RPF2: variants seen among roughly 807,000 people sequenced by gnomAD.
RPF2 encodes ribosome production factor 2 homolog.
A neutral mutation model predicts 38.9 loss-of-function variants in RPF2; 21 were observed. The observed-to-expected ratio is 0.54, with a 90% CI of 0.38 to 0.78. RPF2 has a LOEUF of 0.78. RPF2 is among the 30% of genes least tolerant of loss of function. The pLI, the probability that RPF2 is intolerant of heterozygous loss-of-function variation, is 0.00. For missense variants in RPF2, 314 were observed against 358.1 expected (o/e 0.88, Z 0.99); for synonymous variants, 121 against 126.2 (o/e 0.96, Z 0.28).
At chr6:110,989,003 G>A (rs1165178330) in intron 2 of RPF2, 25 bp from the exon 3 acceptor site, 1 of 1,593,534 alleles carries the variant, frequency 6.3e-7, no homozygotes. Context: ...GTTTTGTTTT[G>A]AAAGCTATAA....
intron 8 of RPF2, among the ~76,000 whole-genome samples, chr6:111,023,910 C>A (rs1443110828): frequency 6.6e-6 from 1 of 151,978 alleles, no homozygotes; most frequent in African/African-American, 2.4e-5. Context: ...ATGGCGTGAA[C>A]CTGGGAGGTG....
chr6:110,997,538 C>G (rs533578724), intron 5 of RPF2, among the ~76,000 whole-genome samples: 1 of 151,948 alleles, frequency 6.6e-6, no homozygotes, highest in Non-Finnish European at 1.5e-5. Context: ...GCCAGGAGTT[C>G]GAGACCAGCC....
chr6:111,001,491 C>G (rs1056538769), intron 6 of RPF2, among the ~76,000 whole-genome samples: 1 of 152,128 alleles, frequency 6.6e-6, no homozygotes, highest in Non-Finnish European at 1.5e-5. Flanking sequence ...AATCCTCCCA[C>G]CTCAGCCTCC....
At chr6:110,993,685 C>G (rs929548592) in intron 4 of RPF2, among the ~76,000 whole-genome samples, 2 of 152,154 alleles carry the variant, frequency 1.3e-5, no homozygotes, top group African/African-American at 4.8e-5. Flanking sequence ...AACAGCTTTT[C>G]TTACACTTGA....
intron 1 of RPF2, among the ~76,000 whole-genome samples, chr6:110,984,454 T>C (rs1390536341): frequency 1.3e-5 from 2 of 152,100 alleles, no homozygotes; most frequent in Admixed American, 1.3e-4. Flanking sequence ...AAAAGAATGG[T>C]GGGAATACAA....
At chr6:111,019,450 C>G (rs1381700588) in intron 8 of RPF2, among the ~76,000 whole-genome samples, 1 of 151,896 alleles carries the variant, frequency 6.6e-6, no homozygotes, top group Non-Finnish European at 1.5e-5. Flanking sequence ...AAAAACAAAA[C>G]AAAATTAAAC....
At chr6:111,002,553 A>T (rs1032782195) in intron 6 of RPF2, among the ~76,000 whole-genome samples, 1 of 151,824 alleles carries the variant, frequency 6.6e-6, no homozygotes, top group East Asian at 1.9e-4. Flanking sequence ...GGCTAGTCTC[A>T]AACTCCTGAG....
In RPF2 at chr6:110,999,321, G is replaced by GA. The variant is rs910056813; in HGVS notation, c.317-381dup. On this transcript the variant is annotated intron_variant, in intron 5 of 9. Transcript: ENST00000441448. ...ATATATATGTACTAAATCAATATTA[G>GA]AAAAAAAAATGTATCGACCCACATA... Among the ~76,000 whole-genome samples, 8 of 150,044 alleles carry GA rather than the reference G, an allele frequency of 5.3e-5. No individual in the cohort carries two copies. In the East Asian group the frequency reaches 7.8e-4, roughly 15 times the overall value.
At chr6:111,008,365 C>T (rs988775073) in intron 7 of RPF2, among the ~76,000 whole-genome samples, 7 of 151,910 alleles carry the variant, frequency 4.6e-5, no homozygotes, top group Non-Finnish European at 8.8e-5. Flanking sequence ...TATGCGCTGC[C>T]GAAGCGAGCA....
intron 8 of RPF2, among the ~76,000 whole-genome samples, chr6:111,017,537 G>T (rs537078919): frequency 7.7e-6 from 1 of 129,844 alleles, no homozygotes; most frequent in Admixed American, 7.6e-5. Context: ...CTTCTTAGAC[G>T]GGGCGGCCGG....
chr6:111,015,363 G>C (rs1382233551), intron 7 of RPF2, among the ~76,000 whole-genome samples: 1 of 151,920 alleles, frequency 6.6e-6, no homozygotes. Context: ...AAAAAATTAA[G>C]GCTAATTTGA....
chr6:111,003,220 CGTT>C (rs1482231321), intron 6 of RPF2, among the ~76,000 whole-genome samples: 1 of 151,934 alleles, frequency 6.6e-6, no homozygotes, highest in Non-Finnish European at 1.5e-5. Flanking sequence ...GTCTTTAAGA[CGTT>C]GTGCTAGATA....
rs1771503536 is a variant in RPF2 at position 110,985,152 on chromosome 6, C to T, written c.156+14C>T. 2 of 1,596,940 alleles carry T rather than the reference C, an allele frequency of 1.3e-6. No individual in the cohort carries two copies. The highest frequency in any genetic ancestry group is 1.7e-6 in the Non-Finnish European group (2 of 1,171,164). On this transcript the variant is annotated intron_variant, in intron 2 of 9. Transcript: ENST00000441448. ...CTTAAAGATGTGGTAAGTATATATA[C>T]TTAATCTTTAAAAGGTATTGAAGTC...
intron 4 of RPF2, among the ~76,000 whole-genome samples, chr6:110,996,431 C>G (rs1019711540): frequency 1.3e-5 from 2 of 151,990 alleles, no homozygotes; most frequent in African/African-American, 4.8e-5. Context: ...TCAGGTGATC[C>G]GTCTGCCTCA....
chr6:111,024,431 A>G (rs1316144157), intron 9 of RPF2, 104 bp downstream of exon 9: 1 of 1,187,422 alleles, frequency 8.4e-7, no homozygotes, highest in Non-Finnish European at 1.1e-6. Context: ...AGACAAGGAC[A>G]GGCCAGGCGC....
At chr6:111,017,650 C>A (rs1449622896) in intron 8 of RPF2, among the ~76,000 whole-genome samples, 1 of 144,778 alleles carries the variant, frequency 6.9e-6, no homozygotes, top group Non-Finnish European at 1.5e-5. Flanking sequence ...ACATCTCAGA[C>A]GATGGGCGGC....
intron 6 of RPF2, among the ~76,000 whole-genome samples, chr6:111,006,911 TA>T (rs1168255096): frequency 2.0e-5 from 3 of 151,720 alleles, no homozygotes; most frequent in Non-Finnish European, 4.4e-5. Flanking sequence ...CCATCTCTAC[TA>T]AAAATACAAA....
At chr6:111,024,419 A>G (rs1226289724) in intron 9 of RPF2, 92 bp downstream of exon 9, 3 of 1,334,054 alleles carry the variant, frequency 2.2e-6, no homozygotes, top group Non-Finnish European at 3.0e-6. Context: ...TATTATATTA[A>G]AAGACAAGGA....
At chr6:110,984,881 A>ATT (rs35242084) in intron 1 of RPF2, 125 bp from the exon 2 acceptor site, 95 of 1,034,048 alleles carry the variant, frequency 9.2e-5, no homozygotes, top group South Asian at 2.8e-4. Flanking sequence ...AGAAAGTGAG[A>ATT]TTTTTTTTAA....
Sources: allele counts gnomAD v4.1 joint callset (sites outside exome capture counted in the v4.1 genomes callset), GRCh38; gene constraint gnomAD v4.1.1; transcripts MANE v1.5; gene names NCBI Gene and HGNC (gene_info 2026-07-23, HGNC 2026-07-21).